Variants in KCNIP4 observed in about 807,000 individuals in gnomAD.
The protein encoded by KCNIP4 is potassium voltage-gated channel interacting protein 4.
Under a neutral mutation model 34.0 loss-of-function variants are expected in KCNIP4, and 12 were observed. The observed-to-expected ratio is 0.35, with a 90% CI of 0.23 to 0.57. KCNIP4 has a LOEUF of 0.57. KCNIP4 is among the 20% of genes least tolerant of loss of function. The pLI is 0.83. For synonymous variants in KCNIP4, 124 were observed against 102.2 expected, an observed-to-expected ratio of 1.21 and a Z score of -1.29; for missense variants, 238 against 311.7, an observed-to-expected ratio of 0.76 and a Z score of 1.78.
At chr4:20,961,802 T>C (rs1245686308) in intron 1 of KCNIP4, among the ~76,000 whole-genome samples, 1 of 152,216 alleles carries the variant, frequency 6.6e-6, no homozygotes, top group Non-Finnish European at 1.5e-5. Context: ...TATCCACTTC[T>C]ATATAAAGAG....
chr4:21,807,326 C>T (rs549471930), intron 1 of KCNIP4, among the ~76,000 whole-genome samples: 2 of 152,246 alleles, frequency 1.3e-5, no homozygotes, highest in East Asian at 3.9e-4. Context: ...GTTGGGGACC[C>T]CTGCATTAAA....
intron 3 of KCNIP4, among the ~76,000 whole-genome samples, chr4:20,837,904 G>A (rs1438983047): frequency 1.3e-5 from 2 of 150,996 alleles, no homozygotes; most frequent in African/African-American, 4.9e-5. Context: ...TGGCCAGGTT[G>A]GTCTTGAACA....
intron 1 of KCNIP4, among the ~76,000 whole-genome samples, chr4:21,685,887 C>T (rs1250240105): frequency 6.6e-6 from 1 of 152,190 alleles, no homozygotes; most frequent in South Asian, 2.1e-4. Flanking sequence ...TTGGAAGGAA[C>T]ATTTGCATGT....
intron 1 of KCNIP4, among the ~76,000 whole-genome samples, chr4:21,605,169 A>G (rs532357112): frequency 7.2e-5 from 11 of 152,334 alleles, no homozygotes; most frequent in African/African-American, 2.4e-4. Flanking sequence ...AAACATGAAC[A>G]CTAGCTGTTC....
chr4:21,672,414 T>C (rs1749577591), intron 1 of KCNIP4, among the ~76,000 whole-genome samples: 1 of 152,206 alleles, frequency 6.6e-6, no homozygotes, highest in African/African-American at 2.4e-5. Context: ...TCTGTCAATT[T>C]TGTTTTCCTT....
At chr4:21,360,676 G>A (rs1719126459) in intron 1 of KCNIP4, among the ~76,000 whole-genome samples, 1 of 152,060 alleles carries the variant, frequency 6.6e-6, no homozygotes, top group East Asian at 1.9e-4. Context: ...AAAGAAGATT[G>A]TGTTTCTAAA....
intron 3 of KCNIP4, among the ~76,000 whole-genome samples, chr4:20,792,354 G>A (rs1051122904): frequency 6.6e-6 from 1 of 152,002 alleles, no homozygotes; most frequent in African/African-American, 2.4e-5. Context: ...AACAGAACGA[G>A]ACTCCATCTC....
chr4:21,513,831 C>CTT (rs1734537167), intron 1 of KCNIP4, among the ~76,000 whole-genome samples: 1 of 151,996 alleles, frequency 6.6e-6, no homozygotes, highest in Non-Finnish European at 1.5e-5. Flanking sequence ...GGATGAACAA[C>CTT]GGTACAAAAC....
chr4:20,795,343 C>T (rs990282687), intron 3 of KCNIP4, among the ~76,000 whole-genome samples: 2 of 152,082 alleles, frequency 1.3e-5, no homozygotes, highest in Non-Finnish European at 2.9e-5. Context: ...AATCAAGTGG[C>T]TATAAATGTA....
intron 1 of KCNIP4, among the ~76,000 whole-genome samples, chr4:21,175,491 C>A (rs770129393): frequency 2.6e-5 from 4 of 152,170 alleles, no homozygotes; most frequent in Non-Finnish European, 5.9e-5. Context: ...ATTTTAGCAA[C>A]TTCAGCATAC....
intron 1 of KCNIP4, among the ~76,000 whole-genome samples, chr4:21,843,091 G>T (rs1039260920): frequency 2.6e-5 from 4 of 151,914 alleles, no homozygotes; most frequent in African/African-American, 9.7e-5. Flanking sequence ...CTTAAAGAAG[G>T]GTAAAAGCCC....
intron 1 of KCNIP4, among the ~76,000 whole-genome samples, chr4:21,176,068 A>T (rs1754386028): frequency 6.6e-6 from 1 of 152,156 alleles, no homozygotes; most frequent in Non-Finnish European, 1.5e-5. Context: ...GTCTGAGGCA[A>T]TTTCTTTTAC....
intron 1 of KCNIP4, among the ~76,000 whole-genome samples, chr4:21,626,004 T>C (rs1332976035): frequency 6.6e-6 from 1 of 152,170 alleles, no homozygotes; most frequent in Non-Finnish European, 1.5e-5. Context: ...AGCTTCCTAG[T>C]TGAATTTTAA....
chr4:20,979,217 T>C (rs1735794837), intron 1 of KCNIP4, among the ~76,000 whole-genome samples: 1 of 152,142 alleles, frequency 6.6e-6, no homozygotes, highest in African/African-American at 2.4e-5. Flanking sequence ...AGTATAAGTA[T>C]ATTGTTTCCA....
intron 1 of KCNIP4, among the ~76,000 whole-genome samples, chr4:21,584,164 A>C (rs960647908): frequency 6.6e-6 from 1 of 152,008 alleles, no homozygotes; most frequent in African/African-American, 2.4e-5. Context: ...CCCTCATTTT[A>C]ATTTTCCTTC....
chr4:20,934,963 C>A (rs1007921037), intron 1 of KCNIP4, among the ~76,000 whole-genome samples: 3 of 152,154 alleles, frequency 2.0e-5, no homozygotes, highest in African/African-American at 7.2e-5. Context: ...TGACTCCAGG[C>A]ATTTCCTGAC....
In KCNIP4 at chr4:21,528,390, C is replaced by T. The variant is rs375245939; in HGVS notation, c.61+420181G>A. ...TCCTCCATAGAAACAGAAACTCAAC[C>T]GGGCATGGTGGCTCATGCCTGTAAT... is the stretch of plus-strand genomic sequence containing the variant. On this transcript the variant is annotated intron_variant, in intron 1 of 8. Transcript: ENST00000382152. Among the ~76,000 whole-genome samples the T allele has an allele frequency of 9.9e-4, 151 of 152,034 alleles. 3 individuals are homozygous for T. Among genetic ancestry groups the T allele is most frequent in the African/African-American group, 3.5e-3 (147 of 41,462 alleles).
At chr4:21,126,949 C>G (rs1013652723) in intron 1 of KCNIP4, among the ~76,000 whole-genome samples, 3 of 152,172 alleles carry the variant, frequency 2.0e-5, no homozygotes. Context: ...GGCTCTCTGT[C>G]AAGGTCAGGC....
chr4:21,466,562 T>A (rs1450329666), intron 1 of KCNIP4, among the ~76,000 whole-genome samples: 1 of 152,098 alleles, frequency 6.6e-6, no homozygotes, highest in Non-Finnish European at 1.5e-5. Context: ...TGAAATCATC[T>A]CAGGATTCAG....
Sources: gnomAD v4.1 joint callset for allele counts (sites outside exome capture counted in the v4.1 genomes callset) on GRCh38, gnomAD v4.1.1 for gene constraint, MANE v1.5 for transcripts, NCBI Gene and HGNC (gene_info 2026-07-23, HGNC 2026-07-21) for gene names.